CAPN8: variants seen among roughly 807,000 people sequenced by gnomAD.
CAPN8 encodes calpain-8.
Under a neutral mutation model 80.9 loss-of-function variants are expected in CAPN8, and 87 were observed. The observed-to-expected ratio is 1.07, with a 90% CI of 0.90 to 1.28. The LOEUF is 1.28. CAPN8 is among the 50% of genes most tolerant of loss of function. The pLI is 0.00. For synonymous variants in CAPN8, 299 were observed against 273.8 expected, an observed-to-expected ratio of 1.09 and a Z score of -0.91; for missense variants, 757 against 702.0, an observed-to-expected ratio of 1.08 and a Z score of -0.89.
chr1:223,631,053 C>T (rs892980958), intron 2 of CAPN8, among the ~76,000 whole-genome samples: 1 of 152,170 alleles, frequency 6.6e-6, no homozygotes, highest in African/African-American at 2.4e-5. Context: ...CAACCTACTT[C>T]TCCAGTCTTT....
At chr1:223,663,279 GA>G (rs1391789619) in intron 1 of CAPN8, among the ~76,000 whole-genome samples, 1 of 152,154 alleles carries the variant, frequency 6.6e-6, no homozygotes, top group African/African-American at 2.4e-5. Context: ...AAAGAAAGGA[GA>G]AAAACTAAGC....
At chr1:223,645,305 G>A (rs1430629104) in intron 2 of CAPN8, among the ~76,000 whole-genome samples, 3 of 152,102 alleles carry the variant, frequency 2.0e-5, no homozygotes, top group Admixed American at 6.5e-5. Flanking sequence ...GATTGAGGGT[G>A]GGTCTGCCTC....
At chr1:223,618,914 G>C (rs1657288234) in intron 9 of CAPN8, among the ~76,000 whole-genome samples, 1 of 152,228 alleles carries the variant, frequency 6.6e-6, no homozygotes, top group South Asian at 2.1e-4. Context: ...ATAGGGCTGG[G>C]CACGGTGGCT....
At chr1:223,558,827 A>G (rs911926270) in intron 12 of CAPN8, among the ~76,000 whole-genome samples, 75,580 of 149,280 alleles carry the variant, frequency 0.51, 19,632 homozygotes, top group South Asian at 0.65. Context: ...TGTGTGCTGC[A>G]TGTGTGGTAT....
intron 9 of CAPN8, 33 bp from the exon 10 acceptor site, chr1:223,616,178 C>A (rs1402265052): frequency 6.5e-7 from 1 of 1,532,744 alleles, no homozygotes; most frequent in Non-Finnish European, 8.8e-7. Flanking sequence ...TGGTTCCCCA[C>A]GTAGCGGGTG....
rs1558346163 is a variant in CAPN8 at position 223,625,853 on chromosome 1, G to C, written c.765C>G (p.Ser255Arg). ...SSAAEAEAIT[S>R]QKLVKSHAYS... ...ACGCATGACTCTTAACCAGCTTCTG[G>C]CTGGTGATGGCTTCGGCTTCGGCTG... The change falls in exon 6 of 21, where the codon AGC becomes AGG. Residue 255 changes from serine (S) to arginine (R), a missense_variant. Coordinates refer to ENST00000366872, the MANE Select transcript of CAPN8 (RefSeq NM_001143962.2). 3 of 1,551,544 alleles carry C rather than the reference G, an allele frequency of 1.9e-6. No homozygotes were observed. The highest frequency in any genetic ancestry group is 2.6e-6 in the Non-Finnish European group (3 of 1,146,840).
chr1:223,658,211 CA>C (rs1658549675), intron 1 of CAPN8, among the ~76,000 whole-genome samples: 1 of 152,202 alleles, frequency 6.6e-6, no homozygotes, highest in Non-Finnish European at 1.5e-5. Context: ...GCTGTATCTT[CA>C]ATTACCTGTG....
chr1:223,619,688 A>G (rs554995876), intron 8 of CAPN8, among the ~76,000 whole-genome samples: 1 of 152,306 alleles, frequency 6.6e-6, no homozygotes, highest in South Asian at 2.1e-4. Flanking sequence ...ACAACCAAGC[A>G]AAGGATCTGA....
At chr1:223,634,488 G>C (rs183887700) in intron 2 of CAPN8, among the ~76,000 whole-genome samples, 1 of 152,262 alleles carries the variant, frequency 6.6e-6, no homozygotes, top group African/African-American at 2.4e-5. Flanking sequence ...GGATGGTGGG[G>C]GAGGAACCAG....
At chr1:223,629,341 C>A (rs1472140411) in intron 2 of CAPN8, among the ~76,000 whole-genome samples, 2 of 152,014 alleles carry the variant, frequency 1.3e-5, no homozygotes. Flanking sequence ...GCCTTGATGC[C>A]TTATTGCTTA....
At chr1:223,634,091 G>A (rs965625583) in intron 2 of CAPN8, among the ~76,000 whole-genome samples, 1 of 152,194 alleles carries the variant, frequency 6.6e-6, no homozygotes, top group African/African-American at 2.4e-5. Flanking sequence ...ATGGCATCAT[G>A]GAGCACTTAC....
At chr1:223,558,689 C>T (rs1404655502) in intron 12 of CAPN8, among the ~76,000 whole-genome samples, 4 of 151,030 alleles carry the variant, frequency 2.6e-5, no homozygotes, top group African/African-American at 9.7e-5. Flanking sequence ...GCGGTATGTA[C>T]ATGGTGTGTG....
At chr1:223,638,377 GTA>G (rs780662524) in intron 2 of CAPN8, among the ~76,000 whole-genome samples, 90 of 150,754 alleles carry the variant, frequency 6.0e-4, no homozygotes, top group Non-Finnish European at 9.2e-4. Flanking sequence ...GTGTGTGTGT[GTA>G]TGTGGTCTCC....
In CAPN8 at chr1:223,616,155, A is replaced by C; in HGVS notation, c.1136-10T>G. 6.5e-7 allele frequency: 1 copy of C among 1,542,794 alleles called. No individual in the cohort carries two copies. The highest frequency in any genetic ancestry group is 1.2e-5 in the South Asian group (1 of 83,354). On this transcript the variant is annotated splice_polypyrimidine_tract_variant and intron_variant, in intron 9 of 20. Transcript: ENST00000366872. ...TTGGTCCAGTACGTGGCTGGAAGTC[A>C]CCCAGGTGATGGTGGTTCCCCACGT...
intron 2 of CAPN8, 104 bp from the exon 3 acceptor site, chr1:223,628,884 C>G (rs372611294): frequency 4.0e-5 from 33 of 815,462 alleles, no homozygotes; most frequent in African/African-American, 2.2e-4. Context: ...TTGCCACATT[C>G]CCTTCTGAGT....
At chr1:223,652,476 G>C (rs1658368522) in intron 2 of CAPN8, among the ~76,000 whole-genome samples, 1 of 152,134 alleles carries the variant, frequency 6.6e-6, no homozygotes, top group Non-Finnish European at 1.5e-5. Flanking sequence ...AATTCAACAA[G>C]TGCTGTGTGC....
intron 1 of CAPN8, 101 bp from the exon 2 acceptor site, chr1:223,654,500 A>C (rs1658425710): frequency 2.9e-6 from 3 of 1,046,410 alleles, no homozygotes; most frequent in Non-Finnish European, 4.3e-6. Flanking sequence ...AGCTGGAAGA[A>C]ACCCAGGATT....
At chr1:223,639,133 G>A (rs192225732) in intron 2 of CAPN8, among the ~76,000 whole-genome samples, 4 of 152,210 alleles carry the variant, frequency 2.6e-5, no homozygotes, top group South Asian at 2.1e-4. Flanking sequence ...TCAGCTACTC[G>A]GGAGGCTGAG....
At chr1:223,618,622 G>A (rs1657277684) in intron 9 of CAPN8, among the ~76,000 whole-genome samples, 1 of 152,252 alleles carries the variant, frequency 6.6e-6, no homozygotes, top group Non-Finnish European at 1.5e-5. Context: ...GGTGTGGGGA[G>A]GGGAGTGGGG....
Sources: gnomAD v4.1 joint callset for allele counts (sites outside exome capture counted in the v4.1 genomes callset) on GRCh38, gnomAD v4.1.1 for gene constraint, MANE v1.5 for transcripts, NCBI Gene and HGNC (gene_info 2026-07-23, HGNC 2026-07-21) for gene names.